The following USP6 variants were observed in gnomAD, a reference collection of about 807,000 sequenced individuals.
USP6 encodes the protein ubiquitin carboxyl-terminal hydrolase 6.
USP6 carries 128 observed loss-of-function variants against 175.7 expected under a neutral mutation model. The observed-to-expected ratio is 0.73, with a 90% CI of 0.63 to 0.84. The LOEUF (loss-of-function observed/expected upper bound fraction) is 0.84. Ranked by LOEUF, USP6 falls within the 40% of genes least tolerant of loss-of-function variation. USP6 has a pLI of 0.00. For missense variants in USP6, 1,498 were observed against 1,760.3 expected (o/e 0.85, Z 2.67); for synonymous variants, 562 against 630.6 (o/e 0.89, Z 1.63).
chr17:5,142,373 C>G (rs1228276204), intron 24 of USP6, 24 bp from the exon 25 acceptor site: 1 of 1,598,872 alleles, frequency 6.3e-7, no homozygotes, highest in African/African-American at 1.3e-5. Flanking sequence ...TCTTTGGCAA[C>G]AAATTTTCCT....
In USP6 at chr17:5,141,633, G is replaced by A. The variant is rs2073450564; in HGVS notation, c.1573+134G>A. 1.3e-5 allele frequency: 10 copies of A among 771,604 alleles called. No individual in the cohort carries two copies. The South Asian group carries it at 2.6e-4, about 20-fold the overall frequency. The allele number at this position is 771,604 out of a possible 1,614,324, so 47.8% of individuals were successfully genotyped here. On this transcript the variant is annotated intron_variant, in intron 23 of 37. Coordinates refer to ENST00000574788, the MANE Select transcript of USP6 (RefSeq NM_001304284.2). ...AGGGCCCTTCTTTTTCTTTTTTCCT[G>A]AAGCAGCATTTGATGTTGGCAAACC...
chr17:5,133,699 C>T, intron 14 of USP6, 149 bp downstream of exon 14: 2 of 1,159,554 alleles, frequency 1.7e-6, no homozygotes, highest in Non-Finnish European at 2.5e-6. Flanking sequence ...ACACAGTCAC[C>T]ACAGACAAAC....
At chr17:5,172,714 A>G in intron 37 of USP6, 91 bp from the exon 38 acceptor site, 6 of 1,544,728 alleles carry the variant, frequency 3.9e-6, no homozygotes, top group Non-Finnish European at 5.3e-6. Flanking sequence ...TCAGGTTAGT[A>G]ATTACAGAGG....
chr17:5,159,929 A>G lies in USP6; in HGVS notation c.2829-1599A>G, dbSNP rs911188987. On this transcript the variant is annotated intron_variant, in intron 31 of 37. Transcript: ENST00000574788. ...CTATGAGCCATAATCATGCTACTGC[A>G]CTCCAGCCTGGGCAACAGAGTGATA... Among the ~76,000 whole-genome samples the G allele has an allele frequency of 1.0e-4, 15 of 148,314 alleles. No individual in the cohort carries two copies. In the East Asian group the frequency reaches 2.8e-3, roughly 27 times the overall value.
chr17:5,143,142 C>T (rs2073499387), intron 25 of USP6, among the ~76,000 whole-genome samples: 2 of 152,206 alleles, frequency 1.3e-5, no homozygotes, highest in South Asian at 4.1e-4. Flanking sequence ...AGGGGGTCAG[C>T]CCCCTGCCCG....
At position 5,135,854 on chromosome 17, in the gene USP6, T is replaced by C. The variant is rs767910908; in HGVS notation, c.590T>C (p.Leu197Pro). Residue 197 changes from leucine to proline, a missense_variant, in exon 17 of 38, where the codon CTC becomes CCC. This residue lies in a region of USP6 where 281 missense variants were observed against 259.6 expected (regional missense o/e 1.08). Coordinates refer to ENST00000574788, the MANE Select transcript of USP6 (RefSeq NM_001304284.2). ...RDLSHITALF[L>P]LYLPEEDAFW... The stretch of plus-strand genomic sequence containing the variant: ...CTGAGCCACATCACCGCCTTGTTCC[T>C]CCTTTATCTGCCTGAGGAGGACGCA... 3.8e-6 allele frequency: 6 copies of C among 1,599,256 alleles called. No individual in the cohort carries two copies. The highest frequency in any genetic ancestry group is 5.1e-6 in the Non-Finnish European group (6 of 1,179,788).
chr17:5,156,137 A>T (rs1016065442), intron 31 of USP6, among the ~76,000 whole-genome samples: 3 of 152,124 alleles, frequency 2.0e-5, no homozygotes, highest in Non-Finnish European at 4.4e-5. Flanking sequence ...TTTTAACGTG[A>T]AGTAATTTCA....
intron 30 of USP6, among the ~76,000 whole-genome samples, chr17:5,149,273 T>C (rs1296747356): frequency 1.3e-5 from 2 of 152,030 alleles, no homozygotes; most frequent in Non-Finnish European, 2.9e-5. Context: ...CATGGTGGCA[T>C]GCGCCTGTAG....
rs2073244488 is a variant in USP6, at chr17:5,136,070, C to T, written c.664+142C>T. 8.8e-6 allele frequency: 13 copies of T among 1,482,566 alleles called. No homozygotes were observed. The South Asian group carries it at 1.7e-4, about 19-fold the overall frequency. The allele number at this position is 1,482,566 out of a possible 1,614,324, so 91.8% of individuals were successfully genotyped here. A position where few individuals can be genotyped will look rare whatever the true frequency, so the allele number is the denominator to read the frequency against. On this transcript the variant is annotated intron_variant, in intron 17 of 37. Transcript: ENST00000574788. ...CATTTAGGACGTCTCTGCTGAGGGT[C>T]CCACAGGAGTCCGCAGCTGACCCCC...
In USP6 at chr17:5,141,430, A is replaced by C. The variant is rs1277390894; in HGVS notation, c.1504A>C (p.Asn502His). 1.2e-6 allele frequency: 2 copies of C among 1,607,538 alleles called. No homozygotes were observed. Among genetic ancestry groups the C allele is most frequent in the East Asian group, 4.5e-5 (2 of 44,742 alleles). The change falls in exon 23 of 38, where the codon AAC becomes CAC. Residue 502 changes from asparagine to histidine, a missense_variant. Asn to His is a moderately conservative substitution (Grantham distance 68). Transcript: ENST00000574788. ...WQAEHCGEVH[N>H]KDMSWPEEMS... Reference sequence around the variant, plus strand: ...ATTCCTATCTGTCCTTCCAGTTCACAACAAAGATATGAGTTGGCCTGAGGA... The same window carrying C: ...ATTCCTATCTGTCCTTCCAGTTCACCACAAAGATATGAGTTGGCCTGAGGA...
At chr17:5,136,462 C>A (rs1448704062) in intron 17 of USP6, among the ~76,000 whole-genome samples, 178 bp from the exon 18 acceptor site, 1 of 152,250 alleles carries the variant, frequency 6.6e-6, no homozygotes, top group Admixed American at 6.5e-5. Flanking sequence ...TCCAGCCAGG[C>A]TCCAGGGGAT....
At chr17:5,116,969 A>G (rs769317249) in intron 1 of USP6, among the ~76,000 whole-genome samples, 6 of 152,236 alleles carry the variant, frequency 3.9e-5, no homozygotes, top group Non-Finnish European at 7.3e-5. Context: ...GGCGGTGCCT[A>G]CATTCTTGGG....
rs1325404954 is a variant in USP6, at chr17:5,173,114, ATAGT to A, written c.*139_*142del. 2 of 1,129,040 alleles carry A rather than the reference ATAGT, an allele frequency of 1.8e-6. No individual in the cohort carries two copies. The highest frequency in any genetic ancestry group is 2.5e-6 in the Non-Finnish European group (2 of 809,356). The allele number at this position is 1,129,040 out of a possible 1,614,324, so 69.9% of individuals were successfully genotyped here. A position where few individuals can be genotyped will look rare whatever the true frequency, so the allele number is the denominator to read the frequency against. On this transcript the variant is annotated 3_prime_UTR_variant, in exon 38 of 38. Transcript: ENST00000574788. ...TGTTAGAACAAAAATTCTAATTAAA[ATAGT>A]TAACTTGAAGAGTAGAAACAATTGT...
intron 31 of USP6, among the ~76,000 whole-genome samples, chr17:5,159,049 T>G (rs981270101): frequency 1.3e-5 from 2 of 152,208 alleles, no homozygotes; most frequent in African/African-American, 2.4e-5. Context: ...CTTGAGTGTT[T>G]ATGTCAATAA....
In USP6 at chr17:5,142,478, G is replaced by A. The variant is rs1385655052; in HGVS notation, c.1794G>A (p.Lys598=). The A allele has an allele frequency of 6.2e-7, 1 of 1,613,864 alleles. No individual in the cohort carries two copies. Among genetic ancestry groups the A allele is most frequent in the Non-Finnish European group, 8.5e-7 (1 of 1,179,780 alleles). ...LVQELWSGTQ[K]SVAPLKLRRT... is the part of the protein sequence containing the mutation. ...AGGAACTCTGGAGTGGAACTCAGAA[G>A]AGTGTTGCCCCATTAAAGCTTCGGG... The change falls in exon 25 of 38, where the codon AAG becomes AAA. Residue 598 remains lysine (K), a synonymous_variant. Transcript: ENST00000574788.
At chr17:5,172,257 C>T (rs1415945890) in intron 37 of USP6, among the ~76,000 whole-genome samples, 3 of 151,708 alleles carry the variant, frequency 2.0e-5, no homozygotes, top group Admixed American at 6.6e-5. Flanking sequence ...TTGGGCCGAG[C>T]GCGGTGGCTC....
At position 5,155,598 on chromosome 17, in the gene USP6, C is replaced by G; in HGVS notation, c.2820C>G (p.Ala940=). The G allele has an allele frequency of 6.2e-7, 1 of 1,613,912 alleles. No individual in the cohort carries two copies. Among genetic ancestry groups the G allele is most frequent in the East Asian group, 2.2e-5 (1 of 44,880 alleles). The change falls in exon 31 of 38, where the codon GCC becomes GCG. Residue 940 remains alanine (A), a synonymous_variant. Coordinates refer to ENST00000574788, the MANE Select transcript of USP6 (RefSeq NM_001304284.2). ...PLPPQEASIH[A]QDRDNCMGYQ... Reference sequence around the variant, plus strand: ...CACCTCAGGAAGCTAGTATTCATGCCCAGGATCGGTGAGTTCAGGGGATCC... The same window carrying G: ...CACCTCAGGAAGCTAGTATTCATGCGCAGGATCGGTGAGTTCAGGGGATCC...
intron 30 of USP6, among the ~76,000 whole-genome samples, chr17:5,154,916 T>C (rs979175900): frequency 4.6e-5 from 7 of 152,082 alleles, no homozygotes; most frequent in African/African-American, 1.7e-4. Flanking sequence ...TTTATTTCTT[T>C]ATAGAGATGG....
intron 30 of USP6, among the ~76,000 whole-genome samples, chr17:5,151,771 T>C (rs1442544105): frequency 2.0e-5 from 3 of 152,172 alleles, no homozygotes; most frequent in African/African-American, 7.2e-5. Context: ...CAAGTGGTGC[T>C]GGGACAATTA....
Sources: gnomAD v4.1 joint callset for allele counts (sites outside exome capture counted in the v4.1 genomes callset) on GRCh38, gnomAD v4.1.1 for gene constraint, gnomAD v4.1.1 regional missense constraint, MANE v1.5 for transcripts, NCBI Gene and HGNC (gene_info 2026-07-23, HGNC 2026-07-21) for gene names.